Variants in CDH7 observed in about 807,000 individuals in gnomAD.
CDH7 encodes cadherin-7.
CDH7 carries 25 observed loss-of-function variants against 71.8 expected under a neutral mutation model. That is an observed-to-expected ratio of 0.35 (90% CI 0.25 to 0.49). The LOEUF (loss-of-function observed/expected upper bound fraction) is 0.49, where lower values mean the gene tolerates loss of function less well. CDH7 is among the 20% of genes least tolerant of loss of function. The pLI is 0.99. For missense variants in CDH7, 862 were observed against 974.6 expected, an observed-to-expected ratio of 0.88 and a Z score of 1.54; for synonymous variants, 381 against 363.8, an observed-to-expected ratio of 1.05 and a Z score of -0.54.
chr18:65,835,136 C>G (rs1432761244), intron 6 of CDH7, among the ~76,000 whole-genome samples: 1 of 152,138 alleles, frequency 6.6e-6, no homozygotes, highest in Non-Finnish European at 1.5e-5. Flanking sequence ...CCATGGGCTA[C>G]CTGGGCTGGT....
Position 65,880,983 on chromosome 18 carries a change from A to G in CDH7, c.*89A>G, listed in dbSNP as rs1914214513. On this transcript the variant is annotated 3_prime_UTR_variant, in exon 12 of 12. Coordinates refer to ENST00000397968, the MANE Select transcript of CDH7 (RefSeq NM_004361.5). ...AATAAAATAATAAACCACTACATAC[A>G]GAAAACAAGAACTCCCCTTGCTGGA... 7.9e-7 allele frequency: 1 copy of G among 1,261,392 alleles called. No individual in the cohort carries two copies. Among genetic ancestry groups the G allele is most frequent in the South Asian group, 1.6e-5 (1 of 62,390 alleles). The allele number at this position is 1,261,392 out of a possible 1,614,324, so 78.1% of individuals were successfully genotyped here.
intron 2 of CDH7, among the ~76,000 whole-genome samples, chr18:65,763,594 GGTGTGTGTGT>G (rs71167145): frequency 1.0e-5 from 1 of 99,130 alleles, no homozygotes; most frequent in Non-Finnish European, 2.0e-5. Flanking sequence ...TTGATAGGGG[GGTGTGTGTGT>G]GTGTGTGTGT....
intron 2 of CDH7, among the ~76,000 whole-genome samples, chr18:65,783,382 T>A (rs1388901981): frequency 6.6e-6 from 1 of 152,186 alleles, no homozygotes; most frequent in African/African-American, 2.4e-5. Context: ...TCATCCAGCA[T>A]CCTTTCTGAA....
At chr18:65,880,339 A>T (rs1323729495) in intron 11 of CDH7, 62 bp from the exon 12 acceptor site, 8 of 1,492,314 alleles carry the variant, frequency 5.4e-6, no homozygotes, top group Non-Finnish European at 5.4e-6. Context: ...GCCTAATTTT[A>T]CCATGACGTG....
chr18:65,824,140 C>G (rs1439000063), intron 5 of CDH7, among the ~76,000 whole-genome samples: 1 of 150,282 alleles, frequency 6.7e-6, no homozygotes, highest in African/African-American at 2.4e-5. Context: ...CCTTTCTTAT[C>G]CAGTTTTCTT....
chr18:65,874,618 T>C (rs1568232811), intron 11 of CDH7, among the ~76,000 whole-genome samples: 1 of 152,056 alleles, frequency 6.6e-6, no homozygotes. Flanking sequence ...ACTTCACCAC[T>C]GCAAGATAAA....
chr18:65,859,557 A>C (rs1016777201), intron 9 of CDH7, 151 bp from the exon 10 acceptor site: 4 of 571,126 alleles, frequency 7.0e-6, no homozygotes, highest in Admixed American at 3.2e-5. Context: ...CCTTTTTTAG[A>C]TTGGGTTCAT....
chr18:65,872,890 A>T (rs890531971), intron 11 of CDH7, among the ~76,000 whole-genome samples: 1 of 152,040 alleles, frequency 6.6e-6, no homozygotes, highest in African/African-American at 2.4e-5. Context: ...TAAAATAAAA[A>T]AAGATTAAAA....
chr18:65,827,292 T>A (rs1912167173), intron 6 of CDH7, among the ~76,000 whole-genome samples: 2 of 151,976 alleles, frequency 1.3e-5, no homozygotes, highest in South Asian at 2.1e-4. Context: ...TAGGAAAAAT[T>A]AAGCACACAC....
chr18:65,799,849 C>G (rs1027295338), intron 2 of CDH7, among the ~76,000 whole-genome samples: 1 of 152,028 alleles, frequency 6.6e-6, no homozygotes, highest in Non-Finnish European at 1.5e-5. Flanking sequence ...TGTTTGCCCT[C>G]TCTCTCTCAT....
At chr18:65,777,014 G>A (rs983889525) in intron 2 of CDH7, among the ~76,000 whole-genome samples, 2 of 152,076 alleles carry the variant, frequency 1.3e-5, no homozygotes, top group African/African-American at 4.8e-5. Flanking sequence ...TAGAGGGAGG[G>A]GCATAGACTG....
chr18:65,824,641 C>T lies in CDH7; in HGVS notation c.794-3C>T. On this transcript the variant is annotated splice_polypyrimidine_tract_variant and splice_region_variant and intron_variant, in intron 5 of 11. Coordinates refer to ENST00000397968, the MANE Select transcript of CDH7 (RefSeq NM_004361.5). ...TGTTCATTTCTTGCTTTGAATTTCA[C>T]AGGGTCTTATCAATATAACGTCCCA... The T allele has an allele frequency of 6.6e-7, 1 of 1,511,708 alleles. No homozygotes were observed. The highest frequency in any genetic ancestry group is 1.4e-5 in the African/African-American group (1 of 71,230). The allele number at this position is 1,511,708 out of a possible 1,614,324, so 93.6% of individuals were successfully genotyped here.
chr18:65,879,564 C>A (rs1347166488), intron 11 of CDH7, among the ~76,000 whole-genome samples: 3 of 152,254 alleles, frequency 2.0e-5, no homozygotes, highest in East Asian at 3.9e-4. Context: ...GAGGCCAGAG[C>A]ACTTTCCTTA....
At chr18:65,840,034 A>G (rs560658178) in intron 6 of CDH7, among the ~76,000 whole-genome samples, 15 of 152,314 alleles carry the variant, frequency 9.8e-5, no homozygotes, top group African/African-American at 3.6e-4. Flanking sequence ...ATCAAAAATT[A>G]TTATTTGCAA....
intron 2 of CDH7, among the ~76,000 whole-genome samples, chr18:65,784,991 C>T (rs1385283): frequency 0.34 from 51,093 of 152,012 alleles, 8,874 homozygotes; most frequent in Middle Eastern, 0.46. Flanking sequence ...AAATAATAAT[C>T]AGGAAATTGA....
rs1396720194 is a variant in CDH7, at chr18:65,782,174, C to CTTTTCT, written c.210+19125_210+19126insTCTTTT. On this transcript the variant is annotated intron_variant, in intron 2 of 11. Transcript: ENST00000397968. ...TCTTTCTTTCTTTCTTCCTTTCTTTCTTTCTTTCTTTCTTGACAGAGTCTC... is the reference window on the plus strand; with the variant it reads ...TCTTTCTTTCTTTCTTCCTTTCTTTCTTTTCTTTTCTTTCTTTCTTGACAGAGTCTC... Among the ~76,000 whole-genome samples the CTTTTCT allele has an allele frequency of 1.1e-3, 114 of 108,260 alleles. 16 individuals are homozygous for CTTTTCT. Among genetic ancestry groups the CTTTTCT allele is most frequent in the African/African-American group, 4.5e-3 (101 of 22,376 alleles). The allele number at this position is 108,260 out of a possible 152,430, so 71.0% of individuals were successfully genotyped here.
At chr18:65,769,665 C>A (rs948504279) in intron 2 of CDH7, among the ~76,000 whole-genome samples, 1 of 152,088 alleles carries the variant, frequency 6.6e-6, no homozygotes, top group African/African-American at 2.4e-5. Context: ...TTCATCTGTC[C>A]TGTTTCCTTA....
intron 6 of CDH7, among the ~76,000 whole-genome samples, chr18:65,837,544 C>G (rs529649157): frequency 3.9e-5 from 6 of 152,024 alleles, no homozygotes; most frequent in African/African-American, 7.3e-5. Flanking sequence ...GGCTTTGGGG[C>G]CCTTGAGGAA....
At position 65,832,335 on chromosome 18, in the gene CDH7, GA is replaced by G. The variant is rs570919040; in HGVS notation, c.981+7511del. ...TTTTAGAATCAGGAAGAGAAAAGCA[GA>G]AAAAAATCCTTTTTAAAATATATAT... On this transcript the variant is annotated intron_variant, in intron 6 of 11. Transcript: ENST00000397968. Among the ~76,000 whole-genome samples the G allele has an allele frequency of 8.1e-4, 122 of 151,310 alleles. 5 individuals are homozygous for G. Among genetic ancestry groups the G allele is most frequent in the Non-Finnish European group, 2.7e-4 (18 of 67,780 alleles).
Sources: allele counts gnomAD v4.1 joint callset (sites outside exome capture counted in the v4.1 genomes callset), GRCh38; gene constraint gnomAD v4.1.1; transcripts MANE v1.5; gene names NCBI Gene and HGNC (gene_info 2026-07-23, HGNC 2026-07-21).